Variants in B3GALT1 observed in about 807,000 individuals in gnomAD.
B3GALT1 encodes the protein UDP-Gal:betaGlcNAc beta 1,3-galactosyltransferase, polypeptide 1.
A neutral mutation model predicts 23.2 loss-of-function variants in B3GALT1; 10 were observed. The ratio of observed to expected loss-of-function variants is 0.43; its 90% CI spans 0.27 to 0.73. The LOEUF (loss-of-function observed/expected upper bound fraction) is 0.73, where lower values mean the gene tolerates loss of function less well. B3GALT1 is among the 30% of genes least tolerant of loss of function. B3GALT1 has a pLI of 0.21. For synonymous variants in B3GALT1, 156 were observed against 141.5 expected (o/e 1.10, Z -0.73); for missense variants, 299 against 405.4 (o/e 0.74, Z 2.25).
chr2:167,619,836 C>T (rs962714372), intron 2 of B3GALT1, among the ~76,000 whole-genome samples: 7 of 152,002 alleles, frequency 4.6e-5, no homozygotes, highest in Non-Finnish European at 7.4e-5. Context: ...TTTATTAAGG[C>T]GCACTGCAGT....
chr2:167,770,521 G>A (rs780356602), intron 3 of B3GALT1, among the ~76,000 whole-genome samples: 10 of 152,204 alleles, frequency 6.6e-5, no homozygotes, highest in Non-Finnish European at 7.4e-5. Context: ...CGTATAAGTC[G>A]TTTCTCAGAT....
intron 2 of B3GALT1, among the ~76,000 whole-genome samples, chr2:167,574,295 T>C (rs1471267707): frequency 6.6e-6 from 1 of 151,702 alleles, no homozygotes. Context: ...TCTGATAAAA[T>C]TGTTAGTTTT....
At chr2:167,683,875 T>A (rs1355748674) in intron 3 of B3GALT1, among the ~76,000 whole-genome samples, 2 of 152,232 alleles carry the variant, frequency 1.3e-5, no homozygotes, top group Non-Finnish European at 2.9e-5. Flanking sequence ...TTTTTGTGTT[T>A]TGGCCCTGTT....
intron 1 of B3GALT1, among the ~76,000 whole-genome samples, chr2:167,423,469 A>G (rs1406316530): frequency 6.6e-6 from 1 of 152,226 alleles, no homozygotes. Context: ...GATCTATGCA[A>G]TAAACCAGTT....
chr2:167,309,115 T>C (rs1295637891), intron 1 of B3GALT1, among the ~76,000 whole-genome samples: 1 of 152,054 alleles, frequency 6.6e-6, no homozygotes, highest in Non-Finnish European at 1.5e-5. Flanking sequence ...TGTCAAGAAA[T>C]TGACTTGTCA....
intron 2 of B3GALT1, among the ~76,000 whole-genome samples, chr2:167,549,211 G>A (rs748128755): frequency 1.3e-5 from 2 of 152,184 alleles, no homozygotes; most frequent in African/African-American, 2.4e-5. Context: ...ATGCACGTAT[G>A]TATGTTGGCG....
chr2:167,853,687 T>G (rs1198952709), intron 4 of B3GALT1, among the ~76,000 whole-genome samples: 1 of 152,182 alleles, frequency 6.6e-6, no homozygotes, highest in Non-Finnish European at 1.5e-5. Flanking sequence ...TCAGCATGTC[T>G]CCAGACTCAC....
At position 167,442,838 on chromosome 2, in the gene B3GALT1, T is replaced by G. The variant is rs867907885; in HGVS notation, c.-510-47339T>G. ...CATTTTGTGGGTTGCCTGTTCACTC[T>G]GATGGTAGTTTCTTTTGCTGTGCAG... is the stretch of plus-strand genomic sequence containing the variant. On this transcript the variant is annotated intron_variant, in intron 1 of 4. Coordinates refer to ENST00000392690, the MANE Select transcript of B3GALT1 (RefSeq NM_020981.4). Among the ~76,000 whole-genome samples the G allele has an allele frequency of 1.6e-3, 232 of 142,678 alleles. 5 individuals carry two copies. In the Middle Eastern group the frequency reaches 0.018, roughly 11 times the overall value. The allele number at this position is 142,678 out of a possible 152,430, so 93.6% of individuals were successfully genotyped here.
intron 1 of B3GALT1, among the ~76,000 whole-genome samples, chr2:167,446,390 C>T (rs1409563615): frequency 6.6e-6 from 1 of 152,076 alleles, no homozygotes; most frequent in African/African-American, 2.4e-5. Context: ...CTCTGTATTT[C>T]CTGAATTTGA....
intron 2 of B3GALT1, among the ~76,000 whole-genome samples, chr2:167,582,242 C>A (rs879241005): frequency 1.3e-5 from 2 of 152,234 alleles, no homozygotes; most frequent in Admixed American, 1.3e-4. Flanking sequence ...TTATTCTCTT[C>A]AAACTCACCC....
chr2:167,570,301 C>T (rs1225301734), intron 2 of B3GALT1, among the ~76,000 whole-genome samples: 1 of 151,686 alleles, frequency 6.6e-6, no homozygotes, highest in Admixed American at 6.6e-5. Context: ...CTGGTGCTTT[C>T]TGTTTTGGAA....
intron 3 of B3GALT1, among the ~76,000 whole-genome samples, chr2:167,652,808 G>A (rs923788293): frequency 6.6e-6 from 1 of 152,108 alleles, no homozygotes; most frequent in African/African-American, 2.4e-5. Flanking sequence ...TAGTAGGTAT[G>A]CTACCTATAA....
At chr2:167,654,417 AG>A (rs1469531366) in intron 3 of B3GALT1, among the ~76,000 whole-genome samples, 1 of 152,120 alleles carries the variant, frequency 6.6e-6, no homozygotes, top group East Asian at 1.9e-4. Flanking sequence ...ATGAGTGGGA[AG>A]GGGGAGCTAA....
intron 3 of B3GALT1, among the ~76,000 whole-genome samples, chr2:167,783,231 G>T (rs1182492686): frequency 6.6e-6 from 1 of 152,018 alleles, no homozygotes; most frequent in Non-Finnish European, 1.5e-5. Flanking sequence ...TTTCAATAAG[G>T]CTAATCATTG....
At chr2:167,715,207 C>T (rs575866491) in intron 3 of B3GALT1, 24 of 1,613,896 alleles carry the variant, frequency 1.5e-5, no homozygotes, top group African/African-American at 6.7e-5. Context: ...TATCATCATC[C>T]GTTGTGTCTT....
At chr2:167,783,257 C>T (rs1688277685) in intron 3 of B3GALT1, among the ~76,000 whole-genome samples, 1 of 151,600 alleles carries the variant, frequency 6.6e-6, no homozygotes, top group Admixed American at 6.6e-5. Flanking sequence ...AAAAAGAGTA[C>T]ACGGAGGGAA....
chr2:167,740,098 C>CTAAATAAATAAATAAATAAA (rs57363909), intron 3 of B3GALT1, among the ~76,000 whole-genome samples: 6 of 142,918 alleles, frequency 4.2e-5, no homozygotes. Context: ...GACTCTGTCT[C>CTAAATAAATAAATAAATAAA]TAAATAAATA....
At chr2:167,557,174 A>C (rs573420320) in intron 2 of B3GALT1, among the ~76,000 whole-genome samples, 1 of 152,252 alleles carries the variant, frequency 6.6e-6, no homozygotes, top group Non-Finnish European at 1.5e-5. Context: ...TATACACCTC[A>C]AAGTAAATTA....
chr2:167,655,007 T>C (rs1685933695), intron 3 of B3GALT1, among the ~76,000 whole-genome samples: 1 of 152,116 alleles, frequency 6.6e-6, no homozygotes, highest in African/African-American at 2.4e-5. Flanking sequence ...GGGGAATTGA[T>C]TAATATTCTC....
Sources: gnomAD v4.1 joint callset for allele counts (sites outside exome capture counted in the v4.1 genomes callset) on GRCh38, gnomAD v4.1.1 for gene constraint, MANE v1.5 for transcripts, NCBI Gene and HGNC (gene_info 2026-07-23, HGNC 2026-07-21) for gene names.